The following GLG1 variants were observed in gnomAD, a reference collection of about 807,000 sequenced individuals.
The protein encoded by GLG1 is Golgi apparatus protein 1.
In GLG1, 38 loss-of-function variants were observed where a neutral mutation model predicts 160.5. The observed-to-expected ratio is 0.24, with a 90% CI of 0.18 to 0.31. GLG1 has a LOEUF of 0.31. Among genes scored for constraint, GLG1 ranks in the 10% least tolerant of loss-of-function variants. The pLI, the probability that GLG1 is intolerant of heterozygous loss-of-function variation, is 1.00. For missense variants in GLG1, 1,373 were observed against 1,505.2 expected (o/e 0.91, Z 1.45); for synonymous variants, 644 against 543.4 (o/e 1.19, Z -2.57).
At chr16:74,499,126 T>A (rs1283802311) in intron 4 of GLG1, among the ~76,000 whole-genome samples, 1 of 152,150 alleles carries the variant, frequency 6.6e-6, no homozygotes, top group Non-Finnish European at 1.5e-5. Flanking sequence ...CTCATTTGAG[T>A]TGTAGAACAT....
At chr16:74,459,574 T>C (rs2014700996) in intron 23 of GLG1, 108 bp downstream of exon 23, 6 of 666,376 alleles carry the variant, frequency 9.0e-6, no homozygotes, top group South Asian at 1.7e-5. Flanking sequence ...GGGCAGAAGG[T>C]TGAGATTTTT....
At chr16:74,592,442 A>T (rs7193423) in intron 1 of GLG1, among the ~76,000 whole-genome samples, 2 of 151,948 alleles carry the variant, frequency 1.3e-5, no homozygotes, top group Non-Finnish European at 2.9e-5. Flanking sequence ...TGTTTATATA[A>T]ATGTTCTTGA....
At chr16:74,542,616 G>T (rs2017905525) in intron 1 of GLG1, among the ~76,000 whole-genome samples, 1 of 149,354 alleles carries the variant, frequency 6.7e-6, no homozygotes, top group Admixed American at 6.7e-5. Context: ...AAGTTGCAGT[G>T]AGCCGAGATT....
intron 3 of GLG1, among the ~76,000 whole-genome samples, chr16:74,507,958 G>A (rs1218525533): frequency 4.6e-5 from 7 of 152,014 alleles, no homozygotes; most frequent in African/African-American, 1.4e-4. Context: ...ATTTTTCAAC[G>A]ATATGCCTTT....
intron 3 of GLG1, among the ~76,000 whole-genome samples, chr16:74,508,608 G>A (rs2016695971): frequency 6.6e-6 from 1 of 152,128 alleles, no homozygotes; most frequent in African/African-American, 2.4e-5. Flanking sequence ...GCTGTTTTGA[G>A]ACCAATAGAA....
intron 2 of GLG1, among the ~76,000 whole-genome samples, chr16:74,511,922 C>G (rs1001222490): frequency 1.3e-5 from 2 of 152,012 alleles, no homozygotes; most frequent in African/African-American, 2.4e-5. Context: ...TTTACTGTAT[C>G]TCATCTTTTT....
intron 18 of GLG1, among the ~76,000 whole-genome samples, chr16:74,467,397 C>A (rs539139197): frequency 6.6e-6 from 1 of 152,238 alleles, no homozygotes; most frequent in East Asian, 1.9e-4. Flanking sequence ...AACTTCTGTG[C>A]AATGGGAACA....
At chr16:74,503,827 A>C in intron 3 of GLG1, 81 bp from the exon 4 acceptor site, 1 of 930,160 alleles carries the variant, frequency 1.1e-6, no homozygotes. Flanking sequence ...AAAATGTCTG[A>C]AATTTTCCTG....
At chr16:74,543,898 TA>T (rs1260875935) in intron 1 of GLG1, among the ~76,000 whole-genome samples, 3 of 151,808 alleles carry the variant, frequency 2.0e-5, no homozygotes, top group Admixed American at 6.6e-5. Context: ...TCAGTGAGAA[TA>T]GGGGGGAGAT....
chr16:74,481,704 G>A (rs968975861), intron 10 of GLG1, among the ~76,000 whole-genome samples: 2 of 152,170 alleles, frequency 1.3e-5, no homozygotes, highest in East Asian at 1.9e-4. Flanking sequence ...ACACACACAC[G>A]TCTTTTGAGA....
intron 1 of GLG1, among the ~76,000 whole-genome samples, chr16:74,542,746 G>GAAGGAAGGA (rs2017920872): frequency 1.9e-4 from 2 of 10,810 alleles, no homozygotes; most frequent in Non-Finnish European, 2.9e-4. Context: ...AGGAAGGAAG[G>GAAGGAAGGA]AAGGAAGGAA....
chr16:74,606,209 T>C (rs1253883668), intron 1 of GLG1, among the ~76,000 whole-genome samples: 1 of 152,182 alleles, frequency 6.6e-6, no homozygotes, highest in Non-Finnish European at 1.5e-5. Context: ...GCGAATTACA[T>C]CTACTGCTAA....
intron 1 of GLG1, among the ~76,000 whole-genome samples, chr16:74,537,407 G>C (rs1412750862): frequency 6.6e-6 from 1 of 151,688 alleles, no homozygotes; most frequent in Non-Finnish European, 1.5e-5. Flanking sequence ...AAAGAACCCT[G>C]CCACTTTTCT....
intron 1 of GLG1, among the ~76,000 whole-genome samples, chr16:74,568,597 T>TAAA (rs2018728318): frequency 6.6e-6 from 1 of 152,148 alleles, no homozygotes; most frequent in Admixed American, 6.5e-5. Flanking sequence ...TTTATGTTTT[T>TAAA]AGTAGAGACG....
At chr16:74,541,883 A>G (rs1241869545) in intron 1 of GLG1, among the ~76,000 whole-genome samples, 2 of 151,648 alleles carry the variant, frequency 1.3e-5, no homozygotes, top group African/African-American at 4.8e-5. Flanking sequence ...TAAGAAAAGG[A>G]AAAAAAAGGT....
At chr16:74,463,519 T>C in intron 19 of GLG1, 40 bp from the exon 20 acceptor site, 1 of 1,605,662 alleles carries the variant, frequency 6.2e-7, no homozygotes, top group Non-Finnish European at 8.5e-7. Flanking sequence ...TATCTAAACA[T>C]GGCGATTAAC....
chr16:74,470,802 C>A (rs1057310791), intron 15 of GLG1, among the ~76,000 whole-genome samples: 24 of 150,174 alleles, frequency 1.6e-4, no homozygotes, highest in African/African-American at 5.9e-4. Flanking sequence ...CTCTGTTGCC[C>A]AGGCTGGAGC....
In GLG1 at chr16:74,597,995, G is replaced by A. The variant is rs562830854; in HGVS notation, c.438+8662C>T. ...CACACCACTGCACTCCAGCCTGGGC[G>A]TCAAGAGCAAGACTCTGTCTCGAAA... On this transcript the variant is annotated intron_variant, in intron 1 of 25. Transcript: ENST00000422840. 1.4e-4 allele frequency among the ~76,000 whole-genome samples: 21 copies of A among 152,096 alleles called. No homozygotes were observed. The South Asian group carries it at 1.5e-3, about 11-fold the overall frequency.
At chr16:74,497,636 ACCGTGTTAG>A (rs1597269449) in intron 4 of GLG1, among the ~76,000 whole-genome samples, 1 of 151,758 alleles carries the variant, frequency 6.6e-6, no homozygotes, top group East Asian at 2.0e-4. Context: ...ACGGGGTTTC[ACCGTGTTAG>A]CCAGGATGGT....
Sources: allele counts gnomAD v4.1 joint callset (sites outside exome capture counted in the v4.1 genomes callset), GRCh38; gene constraint gnomAD v4.1.1; transcripts MANE v1.5; gene names NCBI Gene and HGNC (gene_info 2026-07-23, HGNC 2026-07-21).